CFAP299: variants seen among roughly 807,000 people sequenced by gnomAD.
CFAP299 encodes cilia- and flagella-associated protein 299.
A neutral mutation model predicts 27.0 loss-of-function variants in CFAP299; 21 were observed. That is an observed-to-expected ratio of 0.78 (90% CI 0.55 to 1.12). The LOEUF (loss-of-function observed/expected upper bound fraction) is 1.12, where lower values mean the gene tolerates loss of function less well. Among genes scored for constraint, CFAP299 ranks in the 50% most tolerant of loss-of-function variants. The pLI is 0.00. For synonymous variants in CFAP299, 104 were observed against 98.1 expected, an observed-to-expected ratio of 1.06 and a Z score of -0.36; for missense variants, 310 against 276.6, an observed-to-expected ratio of 1.12 and a Z score of -0.86.
At position 80,860,409 on chromosome 4, in the gene CFAP299, G is replaced by T. The variant is rs185212800; in HGVS notation, c.334-9584G>T. ...GTCTGAGGCCTTCTTCTCTCAACTC[G>T]TCAAAGTCATTCTCTGTCCAGCTTT... On this transcript the variant is annotated intron_variant, in intron 3 of 5. Coordinates refer to ENST00000358105, the MANE Select transcript of CFAP299 (RefSeq NM_152770.3). Among the ~76,000 whole-genome samples, 392 of 152,168 alleles carry T rather than the reference G, an allele frequency of 2.6e-3. 5 individuals are homozygous for T. Among genetic ancestry groups the T allele is most frequent in the African/African-American group, 8.8e-3 (366 of 41,502 alleles).
At chr4:80,724,729 A>G (rs1231376951) in intron 3 of CFAP299, among the ~76,000 whole-genome samples, 1 of 152,016 alleles carries the variant, frequency 6.6e-6, no homozygotes, top group East Asian at 1.9e-4. Context: ...ACCACCTCCA[A>G]TAACTTTCTG....
chr4:80,727,049 A>G (rs775950725), intron 3 of CFAP299, among the ~76,000 whole-genome samples: 24 of 152,144 alleles, frequency 1.6e-4, no homozygotes, highest in Non-Finnish European at 3.2e-4. Flanking sequence ...AATAAAAGAA[A>G]ACAGATCAGT....
intron 4 of CFAP299, among the ~76,000 whole-genome samples, chr4:80,925,807 T>G (rs989677264): frequency 2.6e-5 from 4 of 152,112 alleles, no homozygotes; most frequent in Admixed American, 6.6e-5. Flanking sequence ...ATAATTAGAA[T>G]AATTGTGATG....
intron 2 of CFAP299, among the ~76,000 whole-genome samples, chr4:80,560,882 G>T (rs1735007355): frequency 6.6e-6 from 1 of 152,100 alleles, no homozygotes; most frequent in South Asian, 2.1e-4. Context: ...TGGGTCCTGT[G>T]GGACCTCGCC....
rs370428461 is a variant in CFAP299 at position 80,881,880 on chromosome 4, T to G, written c.476+11745T>G. ...TCTGGAAAACAATAGATGAAATGTA[T>G]GAGAAATTCAATAAGGAGATAGAAA... is the stretch of plus-strand genomic sequence containing the variant. On this transcript the variant is annotated intron_variant, in intron 4 of 5. Coordinates refer to ENST00000358105, the MANE Select transcript of CFAP299 (RefSeq NM_152770.3). Among the ~76,000 whole-genome samples, 8 of 152,070 alleles carry G rather than the reference T, an allele frequency of 5.3e-5. No individual in the cohort carries two copies. The East Asian group carries it at 1.3e-3, about 26-fold the overall frequency.
At chr4:80,909,201 A>G (rs1735345041) in intron 4 of CFAP299, among the ~76,000 whole-genome samples, 1 of 151,966 alleles carries the variant, frequency 6.6e-6, no homozygotes, top group African/African-American at 2.4e-5. Flanking sequence ...CTACTTAACT[A>G]CGAACAATTA....
the CFAP299 span, among the ~76,000 whole-genome samples, chr4:80,323,697 AT>A: frequency 6.6e-6 from 1 of 152,240 alleles, no homozygotes; most frequent in Non-Finnish European, 1.5e-5. Flanking sequence ...GTAAGCAAAT[AT>A]TTTATAAACA....
intron 3 of CFAP299, among the ~76,000 whole-genome samples, chr4:80,658,931 T>C (rs1304049448): frequency 6.6e-6 from 1 of 152,160 alleles, no homozygotes; most frequent in Non-Finnish European, 1.5e-5. Flanking sequence ...CTATTGACAT[T>C]TATATTTTCC....
chr4:80,704,532 C>A (rs1236053025), intron 3 of CFAP299, among the ~76,000 whole-genome samples: 2 of 151,646 alleles, frequency 1.3e-5, no homozygotes, highest in Non-Finnish European at 3.0e-5. Context: ...TTGTTCATGC[C>A]TATGGATACT....
Position 80,752,909 on chromosome 4 carries a change from T to A in CFAP299, c.334-117084T>A, listed in dbSNP as rs368390219. ...TAGTGTAAAACCTTACAACAGATTATTTCAAATTCATCCTCATCCTTGTGC... is the reference window on the plus strand; with the variant it reads ...TAGTGTAAAACCTTACAACAGATTAATTCAAATTCATCCTCATCCTTGTGC... On this transcript the variant is annotated intron_variant, in intron 3 of 5. Coordinates refer to ENST00000358105, the MANE Select transcript of CFAP299 (RefSeq NM_152770.3). Among the ~76,000 whole-genome samples the A allele has an allele frequency of 2.5e-4, 38 of 152,246 alleles. No homozygotes were observed. In the East Asian group the frequency reaches 4.6e-3, roughly 19 times the overall value.
At chr4:80,851,500 T>C (rs80023573) in intron 3 of CFAP299, among the ~76,000 whole-genome samples, 2 of 152,022 alleles carry the variant, frequency 1.3e-5, no homozygotes, top group Non-Finnish European at 2.9e-5. Context: ...AAATACATAG[T>C]TGGAATGAAA....
intron 3 of CFAP299, among the ~76,000 whole-genome samples, chr4:80,742,864 A>G (rs1197032837): frequency 6.6e-6 from 1 of 152,148 alleles, no homozygotes; most frequent in East Asian, 1.9e-4. Context: ...TTGAAAGCTC[A>G]AAAAAACACA....
At chr4:80,495,150 T>C (rs968677688) in intron 2 of CFAP299, among the ~76,000 whole-genome samples, 4 of 152,214 alleles carry the variant, frequency 2.6e-5, no homozygotes, top group African/African-American at 9.7e-5. Context: ...GGATTTGGTG[T>C]TTCTCCACAA....
chr4:80,664,261 G>A (rs373157125), intron 3 of CFAP299, among the ~76,000 whole-genome samples: 16 of 152,228 alleles, frequency 1.1e-4, no homozygotes, highest in East Asian at 7.7e-4. Flanking sequence ...AGCAGAGCTC[G>A]AGCACTATGC....
At chr4:80,340,180 GA>G (rs1375053046) in intron 1 of CFAP299, among the ~76,000 whole-genome samples, 1 of 152,194 alleles carries the variant, frequency 6.6e-6, no homozygotes, top group African/African-American at 2.4e-5. Flanking sequence ...CATGGATAAT[GA>G]AGAAAAGCAG....
intron 3 of CFAP299, among the ~76,000 whole-genome samples, chr4:80,804,685 T>C (rs974023253): frequency 1.3e-5 from 2 of 152,172 alleles, no homozygotes; most frequent in Non-Finnish European, 2.9e-5. Context: ...GATATTTGTA[T>C]AGCTACCCTC....
At chr4:80,456,167 C>G (rs1729143155) in intron 2 of CFAP299, among the ~76,000 whole-genome samples, 1 of 151,990 alleles carries the variant, frequency 6.6e-6, no homozygotes, top group Non-Finnish European at 1.5e-5. Context: ...TGCTTGGACA[C>G]AGCAAGGAGG....
At chr4:80,483,962 G>A (rs1730688396) in intron 2 of CFAP299, among the ~76,000 whole-genome samples, 1 of 152,062 alleles carries the variant, frequency 6.6e-6, no homozygotes, top group Non-Finnish European at 1.5e-5. Context: ...GAAGTTTATA[G>A]GTACAAGGCA....
chr4:80,475,619 T>A (rs970995652), intron 2 of CFAP299, among the ~76,000 whole-genome samples: 3 of 152,200 alleles, frequency 2.0e-5, no homozygotes, highest in African/African-American at 7.2e-5. Flanking sequence ...AGAATATCTT[T>A]TCGATATGTT....
Sources: gnomAD v4.1 joint callset for allele counts (sites outside exome capture counted in the v4.1 genomes callset) on GRCh38, gnomAD v4.1.1 for gene constraint, MANE v1.5 for transcripts, NCBI Gene and HGNC (gene_info 2026-07-23, HGNC 2026-07-21) for gene names.